DSCAML1: variants seen among roughly 807,000 people sequenced by gnomAD.
The protein encoded by DSCAML1 is cell adhesion molecule DSCAML1.
Under a neutral mutation model 200.5 loss-of-function variants are expected in DSCAML1, and 38 were observed. The ratio of observed to expected loss-of-function variants is 0.19; its 90% CI spans 0.15 to 0.25. DSCAML1 has a LOEUF of 0.25. Among genes scored for constraint, DSCAML1 ranks in the 10% least tolerant of loss-of-function variants. The pLI, the probability that DSCAML1 is intolerant of heterozygous loss-of-function variation, is 1.00. For missense variants in DSCAML1, 2,223 were observed against 2,858.8 expected, an observed-to-expected ratio of 0.78 and a Z score of 5.07; for synonymous variants, 1,215 against 1,165.0, an observed-to-expected ratio of 1.04 and a Z score of -0.87.
At chr11:117,434,537 A>G (rs1227128345) in intron 27 of DSCAML1, among the ~76,000 whole-genome samples, 2 of 151,192 alleles carry the variant, frequency 1.3e-5, no homozygotes, top group African/African-American at 4.9e-5. Flanking sequence ...CATTTGTTCA[A>G]TCATCTACCT....
intron 3 of DSCAML1, among the ~76,000 whole-genome samples, chr11:117,534,542 C>A (rs2050133345): frequency 6.6e-6 from 1 of 152,212 alleles, no homozygotes; most frequent in Admixed American, 6.5e-5. Context: ...CATACTCCCT[C>A]ATACACTGGA....
intron 3 of DSCAML1, among the ~76,000 whole-genome samples, chr11:117,677,696 C>T (rs2053239758): frequency 6.6e-6 from 1 of 152,192 alleles, no homozygotes; most frequent in Non-Finnish European, 1.5e-5. Context: ...CTAACTTCTA[C>T]TGAGCACTTT....
intron 3 of DSCAML1, among the ~76,000 whole-genome samples, chr11:117,771,915 C>T (rs1468620109): frequency 6.6e-6 from 1 of 151,950 alleles, no homozygotes; most frequent in South Asian, 2.1e-4. Flanking sequence ...TGTGACAGTC[C>T]TATGCTGGTT....
At chr11:117,564,262 A>C (rs1355936326) in intron 3 of DSCAML1, among the ~76,000 whole-genome samples, 3 of 152,174 alleles carry the variant, frequency 2.0e-5, no homozygotes, top group African/African-American at 7.2e-5. Context: ...TGGACTGATG[A>C]GTAGTATCTG....
Position 117,548,841 on chromosome 11 carries a change from C to T in DSCAML1, c.512-16319G>A, listed in dbSNP as rs779127692. Among the ~76,000 whole-genome samples the T allele has an allele frequency of 4.6e-5, 7 of 152,300 alleles. No homozygotes were observed. In the South Asian group the frequency reaches 1.0e-3, roughly 23 times the overall value. On this transcript the variant is annotated intron_variant, in intron 3 of 32. Coordinates refer to ENST00000651296, the MANE Select transcript of DSCAML1 (RefSeq NM_020693.4). ...TCTACAAGGTGGTTTTGATCACACC[C>T]TCTAGAGAGTTACCGGGAGGAGTCG...
rs1338230057 is a variant in DSCAML1 at position 117,489,808 on chromosome 11, C to T, written c.2360-7646G>A. 6.6e-6 allele frequency among the ~76,000 whole-genome samples: 1 copy of T among 152,234 alleles called. No individual in the cohort carries two copies. The highest frequency in any genetic ancestry group is 1.5e-5 in the Non-Finnish European group (1 of 68,032). Reference sequence around the variant, plus strand: ...CTCCTGCGGGGCATCCCCTGCATGGCACGTGTCCTCCGGCAGCGTCCTTGC... The same window carrying T: ...CTCCTGCGGGGCATCCCCTGCATGGTACGTGTCCTCCGGCAGCGTCCTTGC... On this transcript the variant is annotated intron_variant, in intron 11 of 32. Coordinates refer to ENST00000651296, the MANE Select transcript of DSCAML1 (RefSeq NM_020693.4). The surrounding 1 kb of genome is among the most constrained non-coding windows in gnomAD (Gnocchi z 4.8).
At chr11:117,761,911 C>T (rs1462382602) in intron 3 of DSCAML1, among the ~76,000 whole-genome samples, 1 of 152,168 alleles carries the variant, frequency 6.6e-6, no homozygotes, top group Admixed American at 6.5e-5. Context: ...ATAACAGTTC[C>T]ACCCACCTTA....
At chr11:117,792,953 A>G (rs2055500135) in intron 1 of DSCAML1, among the ~76,000 whole-genome samples, 1 of 152,174 alleles carries the variant, frequency 6.6e-6, no homozygotes, top group South Asian at 2.1e-4. Context: ...GCCAGTGCTG[A>G]GCACTGGAGG....
At chr11:117,520,987 C>G in intron 6 of DSCAML1, 143 bp downstream of exon 6, 1 of 1,116,584 alleles carries the variant, frequency 9.0e-7, no homozygotes, top group Non-Finnish European at 1.3e-6. Flanking sequence ...CACACAGGGC[C>G]CTTAGGGTGA....
At chr11:117,772,577 C>T (rs1837140625) in intron 3 of DSCAML1, among the ~76,000 whole-genome samples, 2 of 152,292 alleles carry the variant, frequency 1.3e-5, no homozygotes, top group South Asian at 4.2e-4. Context: ...AGTCAGGATG[C>T]TGGGGAAGAG....
chr11:117,647,994 A>G (rs977191307), intron 3 of DSCAML1, among the ~76,000 whole-genome samples: 11 of 152,214 alleles, frequency 7.2e-5, no homozygotes, highest in Non-Finnish European at 1.6e-4. Flanking sequence ...GCAGTGTCCC[A>G]CAACAGACAC....
intron 8 of DSCAML1, among the ~76,000 whole-genome samples, chr11:117,511,437 C>A (rs1192068366): frequency 6.6e-6 from 1 of 152,202 alleles, no homozygotes; most frequent in Non-Finnish European, 1.5e-5. Context: ...AAACATTCAG[C>A]CTGCATGCCC....
intron 3 of DSCAML1, among the ~76,000 whole-genome samples, chr11:117,550,697 G>A (rs531332245): frequency 6.6e-6 from 1 of 152,184 alleles, no homozygotes; most frequent in African/African-American, 2.4e-5. Flanking sequence ...CGTGGCACCA[G>A]CCTCCCCAGC....
intron 3 of DSCAML1, among the ~76,000 whole-genome samples, chr11:117,565,016 T>G (rs1365745836): frequency 1.3e-5 from 2 of 152,154 alleles, no homozygotes; most frequent in African/African-American, 4.8e-5. Context: ...TCTGCCCACC[T>G]CGGCCTCCCA....
chr11:117,531,804 T>G (rs1310535179), intron 4 of DSCAML1, among the ~76,000 whole-genome samples: 3 of 151,870 alleles, frequency 2.0e-5, no homozygotes, highest in Non-Finnish European at 4.4e-5. Context: ...GAGAATTGCT[T>G]GAACCCAGGG....
chr11:117,623,762 T>A (rs1487271405), intron 3 of DSCAML1, among the ~76,000 whole-genome samples: 1 of 152,206 alleles, frequency 6.6e-6, no homozygotes, highest in Non-Finnish European at 1.5e-5. Context: ...AAATGTTCAA[T>A]AATTTTTGGT....
chr11:117,443,197 C>A (rs1017874495), intron 21 of DSCAML1, among the ~76,000 whole-genome samples: 7 of 152,206 alleles, frequency 4.6e-5, no homozygotes. Flanking sequence ...GTGGCCAGTT[C>A]CTACGCCCCA....
Position 117,505,414 on chromosome 11 carries a change from G to A in DSCAML1, c.2062+40C>T. 1.9e-6 allele frequency: 3 copies of A among 1,591,326 alleles called. No individual in the cohort carries two copies. The highest frequency in any genetic ancestry group is 2.6e-6 in the Non-Finnish European group (3 of 1,171,628). On this transcript the variant is annotated intron_variant, in intron 9 of 32. Coordinates refer to ENST00000651296, the MANE Select transcript of DSCAML1 (RefSeq NM_020693.4). This position sits in a 1 kb window ranked among gnomAD's most constrained non-coding sequence, Gnocchi z 6.7. ...AGACTGCAGTAGCAGCAGGCAGAAT[G>A]GGCTCCTCCCTCCCCTGAGGCTGGC...
At chr11:117,540,633 T>C (rs115067388) in intron 3 of DSCAML1, among the ~76,000 whole-genome samples, 1,789 of 151,932 alleles carry the variant, frequency 0.012, 37 homozygotes, top group African/African-American at 0.042. Flanking sequence ...TAGGTGGGAT[T>C]TGAACAATGA....
Sources: allele counts gnomAD v4.1 joint callset (sites outside exome capture counted in the v4.1 genomes callset), GRCh38; gene constraint gnomAD v4.1.1; non-coding constraint Gnocchi (gnomAD v3.1); transcripts MANE v1.5; gene names NCBI Gene and HGNC (gene_info 2026-07-23, HGNC 2026-07-21).